The following MAGI2 variants were observed in gnomAD, a reference collection of about 807,000 sequenced individuals.
The protein encoded by MAGI2 is membrane associated guanylate kinase, WW and PDZ domain containing 2.
Under a neutral mutation model 133.3 loss-of-function variants are expected in MAGI2, and 35 were observed. The ratio of observed to expected loss-of-function variants is 0.26; its 90% confidence interval spans 0.20 to 0.35. The LOEUF (loss-of-function observed/expected upper bound fraction) is 0.35, where lower values mean the gene tolerates loss of function less well. MAGI2 is among the 10% of genes least tolerant of loss of function. The pLI is 1.00. For synonymous variants in MAGI2, 729 were observed against 710.6 expected, an observed-to-expected ratio of 1.03 and a Z score of -0.41; for missense variants, 1,636 against 1,863.4, an observed-to-expected ratio of 0.88 and a Z score of 2.25.
intron 3 of MAGI2, among the ~76,000 whole-genome samples, chr7:78,549,001 C>G (rs189823080): frequency 1.3e-5 from 2 of 152,266 alleles, no homozygotes; most frequent in East Asian, 3.9e-4. Flanking sequence ...AACCTCAATT[C>G]ATTCAAGGAA....
At chr7:78,672,293 C>G (rs1814487878) in intron 2 of MAGI2, among the ~76,000 whole-genome samples, 1 of 152,128 alleles carries the variant, frequency 6.6e-6, no homozygotes, top group African/African-American at 2.4e-5. Flanking sequence ...TGCTCCCTCT[C>G]TTGCCATAAG....
chr7:78,766,642 T>A (rs1479875013), intron 2 of MAGI2, among the ~76,000 whole-genome samples: 1 of 152,240 alleles, frequency 6.6e-6, no homozygotes, highest in African/African-American at 2.4e-5. Flanking sequence ...GAAAAACAAC[T>A]ATTCTAACTG....
intron 1 of MAGI2, among the ~76,000 whole-genome samples, chr7:79,064,820 T>C (rs747784496): frequency 1.1e-4 from 16 of 152,216 alleles, no homozygotes; most frequent in Non-Finnish European, 1.9e-4. Context: ...TTGTAGATAA[T>C]TGGATATGAA....
chr7:78,574,855 A>G (rs1802102487), intron 3 of MAGI2, among the ~76,000 whole-genome samples: 1 of 152,230 alleles, frequency 6.6e-6, no homozygotes, highest in Non-Finnish European at 1.5e-5. Flanking sequence ...ACTGTTTTGT[A>G]TGCAGTGAAT....
intron 6 of MAGI2, among the ~76,000 whole-genome samples, chr7:78,452,819 T>A (rs771642441): frequency 6.6e-6 from 1 of 152,050 alleles, no homozygotes. Flanking sequence ...CAAAAATACA[T>A]ACTTTTGATG....
intron 2 of MAGI2, among the ~76,000 whole-genome samples, chr7:78,718,480 C>A (rs1468787394): frequency 6.6e-6 from 1 of 152,058 alleles, no homozygotes; most frequent in East Asian, 1.9e-4. Flanking sequence ...CTCTGCCTGT[C>A]AGATCAGTGG....
chr7:79,066,003 C>A (rs570879894), intron 1 of MAGI2, among the ~76,000 whole-genome samples: 7 of 152,124 alleles, frequency 4.6e-5, no homozygotes, highest in African/African-American at 1.7e-4. Context: ...CTACTGTGAA[C>A]AGTCCCGCAG....
chr7:78,698,830 T>C (rs1015758381), intron 2 of MAGI2, among the ~76,000 whole-genome samples: 1 of 152,056 alleles, frequency 6.6e-6, no homozygotes, highest in African/African-American at 2.4e-5. Flanking sequence ...GAGAACTCAC[T>C]ATCAGAAGAA....
intron 3 of MAGI2, among the ~76,000 whole-genome samples, chr7:78,584,650 T>C (rs926844140): frequency 6.6e-6 from 1 of 152,106 alleles, no homozygotes; most frequent in African/African-American, 2.4e-5. Flanking sequence ...AGTAGCAGGC[T>C]TGAGAAATAC....
At chr7:78,727,759 C>T (rs943979921) in intron 2 of MAGI2, among the ~76,000 whole-genome samples, 17 of 152,238 alleles carry the variant, frequency 1.1e-4, no homozygotes, top group African/African-American at 3.1e-4. Context: ...GTTGGTTAGT[C>T]GCTAATAAAG....
In MAGI2 at chr7:79,306,324, G is replaced by GTATA. The variant is rs4020441; in HGVS notation, c.301+146692_301+146695dup. On this transcript the variant is annotated intron_variant, in intron 1 of 21. Transcript: ENST00000354212. ...ATGCATATATATTTTATATATATGT[G>GTATA]TATATATATATATATTTGTAGAGAT... Among the ~76,000 whole-genome samples, 411 of 143,338 alleles carry GTATA rather than the reference G, an allele frequency of 2.9e-3. 4 individuals carry two copies. Among genetic ancestry groups the GTATA allele is most frequent in the African/African-American group, 8.3e-3 (325 of 39,182 alleles). 94.0% of individuals were successfully genotyped at this position (143,338 alleles called of 152,430 possible). A position where few individuals can be genotyped will look rare whatever the true frequency, so the allele number is the denominator to read the frequency against.
At chr7:78,813,679 G>A (rs1435615052) in intron 2 of MAGI2, among the ~76,000 whole-genome samples, 2 of 151,598 alleles carry the variant, frequency 1.3e-5, no homozygotes, top group African/African-American at 2.4e-5. Context: ...CCAGCCACTC[G>A]GGAGGCTGAG....
intron 1 of MAGI2, among the ~76,000 whole-genome samples, chr7:79,199,222 CCAA>C (rs1430118147): frequency 6.6e-6 from 1 of 151,904 alleles, no homozygotes; most frequent in Non-Finnish European, 1.5e-5. Context: ...CATAATGATT[CCAA>C]CAAGAGTAAT....
intron 1 of MAGI2, among the ~76,000 whole-genome samples, chr7:79,155,991 T>C (rs919359795): frequency 9.2e-5 from 14 of 152,140 alleles, no homozygotes; most frequent in African/African-American, 3.4e-4. Flanking sequence ...GTATAACTCA[T>C]TTAGAATGAG....
chr7:78,805,121 T>C (rs1039199592), intron 2 of MAGI2, among the ~76,000 whole-genome samples: 1 of 151,714 alleles, frequency 6.6e-6, no homozygotes, highest in African/African-American at 2.4e-5. Flanking sequence ...AATTGACATA[T>C]CACCTCATTC....
intron 1 of MAGI2, among the ~76,000 whole-genome samples, chr7:79,187,282 A>C (rs1827254116): frequency 6.6e-6 from 1 of 151,814 alleles, no homozygotes; most frequent in Non-Finnish European, 1.5e-5. Context: ...TATTTCAATA[A>C]AGCAAAAGTT....
intron 3 of MAGI2, among the ~76,000 whole-genome samples, chr7:78,608,678 CG>C: frequency 6.6e-6 from 1 of 151,920 alleles, no homozygotes. Context: ...AATAAAATGC[CG>C]TTTTGAAGGG....
At chr7:79,138,798 G>A (rs568917733) in intron 1 of MAGI2, among the ~76,000 whole-genome samples, 2 of 152,198 alleles carry the variant, frequency 1.3e-5, no homozygotes, top group African/African-American at 4.8e-5. Context: ...GAGGTCAGGA[G>A]ATCGAGACCA....
At chr7:78,724,350 T>C (rs1820554322) in intron 2 of MAGI2, among the ~76,000 whole-genome samples, 1 of 152,136 alleles carries the variant, frequency 6.6e-6, no homozygotes, top group South Asian at 2.1e-4. Context: ...TACTAAAAGA[T>C]GGGTTTCAAA....
Sources: allele counts gnomAD v4.1 joint callset (sites outside exome capture counted in the v4.1 genomes callset), GRCh38; gene constraint gnomAD v4.1.1; transcripts MANE v1.5; gene names NCBI Gene and HGNC (gene_info 2026-07-23, HGNC 2026-07-21).